The following CABP5 variants were observed in gnomAD, a reference collection of about 807,000 sequenced individuals.
The protein encoded by CABP5 is calcium-binding protein 5.
A neutral mutation model predicts 21.9 loss-of-function variants in CABP5; 17 were observed. The observed-to-expected ratio is 0.78, with a 90% CI of 0.53 to 1.17. The LOEUF is 1.17. CABP5 is among the 50% of genes most tolerant of loss of function. The pLI is 0.00. For synonymous variants in CABP5, 85 were observed against 79.4 expected (o/e 1.07, Z -0.37); for missense variants, 229 against 228.9 (o/e 1.00, Z 0.00).
At chr19:48,034,961 A>G (rs1201979826) in intron 4 of CABP5, among the ~76,000 whole-genome samples, 1 of 152,242 alleles carries the variant, frequency 6.6e-6, no homozygotes, top group South Asian at 2.1e-4. Flanking sequence ...TACAGTCCTG[A>G]GCCAAAGTGC....
chr19:48,030,970 A>T (rs1354792239), intron 5 of CABP5, among the ~76,000 whole-genome samples: 1 of 152,044 alleles, frequency 6.6e-6, no homozygotes, highest in Non-Finnish European at 1.5e-5. Context: ...CTCTACAAAA[A>T]AATTAAAAAA....
At chr19:48,041,140 C>A (rs1002137945) in intron 2 of CABP5, among the ~76,000 whole-genome samples, 1 of 151,984 alleles carries the variant, frequency 6.6e-6, no homozygotes, top group Non-Finnish European at 1.5e-5. Flanking sequence ...GAGAGGAGAT[C>A]GTGCCATTGC....
intron 3 of CABP5, 45 bp from the exon 4 acceptor site, chr19:48,039,362 C>A (rs1379722317): frequency 7.1e-7 from 1 of 1,402,736 alleles, no homozygotes; most frequent in Non-Finnish European, 1.0e-6. Flanking sequence ...CAAGCCCTGG[C>A]CTTCCATTAC....
chr19:48,041,510 G>C (rs534266476), intron 2 of CABP5, 63 bp downstream of exon 2: 2 of 1,465,372 alleles, frequency 1.4e-6, no homozygotes, highest in East Asian at 4.6e-5. Flanking sequence ...ATGCACAAAG[G>C]GACTGAGGGC....
At chr19:48,035,227 G>A (rs1359356774) in intron 4 of CABP5, among the ~76,000 whole-genome samples, 1 of 152,010 alleles carries the variant, frequency 6.6e-6, no homozygotes, top group Non-Finnish European at 1.5e-5. Context: ...GTCCTTTTGT[G>A]CCTGGCTTAT....
intron 2 of CABP5, among the ~76,000 whole-genome samples, chr19:48,041,061 C>A (rs776058946): frequency 7.9e-5 from 12 of 152,028 alleles, no homozygotes; most frequent in Admixed American, 3.3e-4. Context: ...CCTTTGATCC[C>A]AGCTACTAGG....
chr19:48,030,198 T>C lies in CABP5; in HGVS notation c.*359A>G, dbSNP rs1967321289. Reference sequence around the variant, plus strand: ...GATACCCAACAGGAGAAGAGACTATTTTCACCCAAGGGGAAGCTGGGGAAG... The same window carrying C: ...GATACCCAACAGGAGAAGAGACTATCTTCACCCAAGGGGAAGCTGGGGAAG... On this transcript the variant is annotated 3_prime_UTR_variant, in exon 6 of 6. Coordinates refer to ENST00000293255, the MANE Select transcript of CABP5 (RefSeq NM_019855.5). 4.1e-6 allele frequency: 1 copy of C among 241,648 alleles called. No homozygotes were observed. The highest frequency in any genetic ancestry group is 7.9e-6 in the Non-Finnish European group (1 of 127,066). The allele number at this position is 241,648 out of a possible 1,614,324, so 15.0% of individuals were successfully genotyped here. A position where few individuals can be genotyped will look rare whatever the true frequency, so the allele number is the denominator to read the frequency against.
At position 48,039,225 on chromosome 19, in the gene CABP5, G is replaced by A. The variant is rs368985200; in HGVS notation, c.331C>T (p.Arg111Trp). The A allele has an allele frequency of 1.2e-5, 20 of 1,613,356 alleles. No homozygotes were observed. In the African/African-American group the frequency reaches 1.3e-4, roughly 11 times the overall value. ...TAACTCACCTCCTTGAAGGCATCCC[G>A]CATCTCCTGGACACCGATCATCCCA... ...TAGMIGVQEM[R>W]DAFKEFDTNG... Residue 111 changes from arginine (R) to tryptophan (W), a missense_variant, in exon 4 of 6, where the codon CGG becomes TGG. Transcript: ENST00000293255.
intron 5 of CABP5, among the ~76,000 whole-genome samples, 156 bp downstream of exon 5, chr19:48,034,059 G>C (rs1228995583): frequency 6.6e-6 from 1 of 152,208 alleles, no homozygotes; most frequent in Non-Finnish European, 1.5e-5. Context: ...GGAAGAAAGG[G>C]ACAGAACAAA....
intron 5 of CABP5, among the ~76,000 whole-genome samples, chr19:48,031,373 C>G (rs961469264): frequency 3.3e-5 from 5 of 152,016 alleles, no homozygotes; most frequent in African/African-American, 1.2e-4. Context: ...AACCCCGTCT[C>G]TACTAAAAAT....
In CABP5 at chr19:48,030,399, G is replaced by A. The variant is rs1185541887; in HGVS notation, c.*158C>T. The A allele has an allele frequency of 1.1e-5, 7 of 628,294 alleles. No individual in the cohort carries two copies. Among genetic ancestry groups the A allele is most frequent in the African/African-American group, 1.9e-5 (1 of 52,426 alleles). 38.9% of individuals were successfully genotyped at this position (628,294 alleles called of 1,614,324 possible). On this transcript the variant is annotated 3_prime_UTR_variant, in exon 6 of 6. Coordinates refer to ENST00000293255, the MANE Select transcript of CABP5 (RefSeq NM_019855.5). ...CCATCCTGGCAAAGATACCGCTCTGGGTCTCACCCCATGCACAGCGCCGCA... is the reference window on the plus strand; with the variant it reads ...CCATCCTGGCAAAGATACCGCTCTGAGTCTCACCCCATGCACAGCGCCGCA...
chr19:48,036,109 A>C (rs1967405770), intron 4 of CABP5, among the ~76,000 whole-genome samples: 6 of 152,162 alleles, frequency 3.9e-5, no homozygotes. Context: ...TGTTTTGGAA[A>C]TTGAACGTAC....
chr19:48,030,474 C>G lies in CABP5; in HGVS notation c.*83G>C, dbSNP rs894421842. Reference sequence around the variant, plus strand: ...CCCTCCCTCTCTGCTTTAAGGGGATCTGGGGCTTTTGGGCTTTGGTTCTCC... The same window carrying G: ...CCCTCCCTCTCTGCTTTAAGGGGATGTGGGGCTTTTGGGCTTTGGTTCTCC... On this transcript the variant is annotated 3_prime_UTR_variant, in exon 6 of 6. Transcript: ENST00000293255. The G allele has an allele frequency of 3.4e-5, 49 of 1,436,826 alleles. No homozygotes were observed. 89.0% of individuals were successfully genotyped at this position (1,436,826 alleles called of 1,614,324 possible).
At chr19:48,035,814 C>T (rs928631119) in intron 4 of CABP5, among the ~76,000 whole-genome samples, 2 of 152,078 alleles carry the variant, frequency 1.3e-5, no homozygotes, top group African/African-American at 4.8e-5. Context: ...GAAGGCAGGG[C>T]CCAAGTACGT....
chr19:48,039,078 T>G, intron 4 of CABP5, 130 bp downstream of exon 4: 1 of 655,308 alleles, frequency 1.5e-6, no homozygotes, highest in Non-Finnish European at 2.7e-6. Flanking sequence ...TATTTATTGA[T>G]CCCACCATGG....
At chr19:48,032,817 G>A (rs1447536409) in intron 5 of CABP5, among the ~76,000 whole-genome samples, 2 of 151,830 alleles carry the variant, frequency 1.3e-5, no homozygotes, top group African/African-American at 4.8e-5. Flanking sequence ...TTTTAGTAGA[G>A]ATGGGGTTTC....
intron 1 of CABP5, 100 bp from the exon 2 acceptor site, chr19:48,041,703 T>C (rs983646720): frequency 5.7e-6 from 6 of 1,047,984 alleles, no homozygotes; most frequent in Non-Finnish European, 2.8e-6. Flanking sequence ...CTCTCGTGGT[T>C]CTCTTTCCAT....
intron 1 of CABP5, among the ~76,000 whole-genome samples, chr19:48,043,001 C>T (rs761612986): frequency 6.6e-6 from 1 of 152,008 alleles, no homozygotes; most frequent in African/African-American, 2.4e-5. Context: ...CAAGCAAACC[C>T]GACCCTGCCA....
At position 48,042,737 on chromosome 19, in the gene CABP5, G is replaced by A. The variant is rs938494277; in HGVS notation, c.63+1123C>T. The stretch of plus-strand genomic sequence containing the variant: ...TTACAGGCGCCTGCCACTGCACCCG[G>A]CTAATTTTTGTATTTCTAATAGAGA... On this transcript the variant is annotated intron_variant, in intron 1 of 5. Transcript: ENST00000293255. Among the ~76,000 whole-genome samples the A allele has an allele frequency of 1.3e-4, 20 of 151,890 alleles. 1 individual carries two copies. Among genetic ancestry groups the A allele is most frequent in the Admixed American group, 1.3e-3 (20 of 15,244 alleles).
Sources: allele counts gnomAD v4.1 joint callset (sites outside exome capture counted in the v4.1 genomes callset), GRCh38; gene constraint gnomAD v4.1.1; transcripts MANE v1.5; gene names NCBI Gene and HGNC (gene_info 2026-07-23, HGNC 2026-07-21).